Variants in PRORP observed in about 807,000 individuals in gnomAD.
The protein encoded by PRORP is protein only RNase P catalytic subunit, also known as mitochondrial ribonuclease P catalytic subunit.
Under a neutral mutation model 59.4 loss-of-function variants are expected in PRORP, and 51 were observed. The ratio of observed to expected loss-of-function variants is 0.86; its 90% CI spans 0.69 to 1.08. The LOEUF is 1.08. Ranked by LOEUF, PRORP falls within the 50% of genes least tolerant of loss-of-function variation. The pLI, the probability that PRORP is intolerant of heterozygous loss-of-function variation, is 0.00. For synonymous variants in PRORP, 231 were observed against 245.6 expected (o/e 0.94, Z 0.55); for missense variants, 646 against 690.3 (o/e 0.94, Z 0.72).
At chr14:35,185,342 A>G (rs553664925) in intron 5 of PRORP, among the ~76,000 whole-genome samples, 2 of 152,168 alleles carry the variant, frequency 1.3e-5, no homozygotes, top group South Asian at 4.1e-4. Flanking sequence ...GTTTTTGTTC[A>G]TGTCCTTTGC....
At chr14:35,152,222 C>A (rs1450653750) in intron 4 of PRORP, among the ~76,000 whole-genome samples, 1 of 152,182 alleles carries the variant, frequency 6.6e-6, no homozygotes, top group Non-Finnish European at 1.5e-5. Flanking sequence ...GGACACAGCA[C>A]ATGTTTCAGA....
intron 4 of PRORP, among the ~76,000 whole-genome samples, chr14:35,160,011 T>C (rs2048017708): frequency 6.6e-6 from 1 of 152,258 alleles, no homozygotes; most frequent in Non-Finnish European, 1.5e-5. Context: ...GCAGGAATAA[T>C]GAAACAGATT....
chr14:35,215,316 G>A (rs192433219), intron 5 of PRORP, among the ~76,000 whole-genome samples: 1 of 152,056 alleles, frequency 6.6e-6, no homozygotes, highest in Non-Finnish European at 1.5e-5. Flanking sequence ...CTGAACAATG[G>A]TAGAATCTCA....
chr14:35,273,534 A>G lies in PRORP; in HGVS notation c.1720A>G (p.Thr574Ala). ...LVERCSCEVP[T>A]KWLCLHQKT ...AGAAAGATGTTCCTGTGAAGTACCA[A>G]CCAAATGGCTTTGCCTCCACCAAAA... Residue 574 changes from threonine (T) to alanine (A), a missense_variant, in exon 8 of 8, where the codon ACC becomes GCC. Thr to Ala is a moderately conservative substitution (Grantham distance 58). Coordinates refer to ENST00000534898, the MANE Select transcript of PRORP (RefSeq NM_014672.4). 1.2e-6 allele frequency: 2 copies of G among 1,613,714 alleles called. No individual in the cohort carries two copies.
chr14:35,183,111 A>C (rs1471207128), intron 5 of PRORP, among the ~76,000 whole-genome samples: 1 of 152,164 alleles, frequency 6.6e-6, no homozygotes, highest in Non-Finnish European at 1.5e-5. Context: ...GAATTGCTCT[A>C]TTTATATTAA....
intron 2 of PRORP, among the ~76,000 whole-genome samples, chr14:35,124,747 C>A (rs1211905141): frequency 6.7e-6 from 1 of 148,154 alleles, no homozygotes; most frequent in Admixed American, 6.9e-5. Context: ...GGCCACTGTT[C>A]ATAGCAAGAA....
At chr14:35,125,103 C>T (rs142221643) in intron 2 of PRORP, among the ~76,000 whole-genome samples, 2,481 of 152,136 alleles carry the variant, frequency 0.016, 54 homozygotes, top group African/African-American at 0.055. Flanking sequence ...TCAGGTGATC[C>T]GCCTGCCTCG....
intron 7 of PRORP, 139 bp from the exon 8 acceptor site, chr14:35,273,296 G>C: frequency 2.5e-6 from 2 of 791,330 alleles, no homozygotes. Context: ...GTTTGCTGCT[G>C]TTTGAAAATC....
chr14:35,166,029 A>G (rs1595224273), intron 4 of PRORP, among the ~76,000 whole-genome samples: 2 of 152,212 alleles, frequency 1.3e-5, no homozygotes, highest in South Asian at 2.1e-4. Flanking sequence ...TTTTTAAAAA[A>G]AAGATTCTTC....
At chr14:35,263,422 C>A (rs1222073001) in intron 5 of PRORP, among the ~76,000 whole-genome samples, 1 of 152,202 alleles carries the variant, frequency 6.6e-6, no homozygotes, top group Non-Finnish European at 1.5e-5. Context: ...CACGGTGGCT[C>A]ACGCCTGTAA....
intron 5 of PRORP, among the ~76,000 whole-genome samples, chr14:35,183,166 A>T (rs1225045582): frequency 6.6e-6 from 1 of 152,080 alleles, no homozygotes; most frequent in African/African-American, 2.4e-5. Flanking sequence ...TGTTTGTTAG[A>T]TAAGTTTGTG....
At chr14:35,219,548 C>A (rs2049716350) in intron 5 of PRORP, among the ~76,000 whole-genome samples, 1 of 152,326 alleles carries the variant, frequency 6.6e-6, no homozygotes, top group South Asian at 2.1e-4. Context: ...AAAAAGCATA[C>A]CTTGCCCCTT....
chr14:35,150,101 C>G (rs1238658470), intron 4 of PRORP, among the ~76,000 whole-genome samples: 1 of 152,230 alleles, frequency 6.6e-6, no homozygotes, highest in African/African-American at 2.4e-5. Context: ...CTGCCTCGGC[C>G]TCCCAAAATG....
At chr14:35,213,380 G>A (rs2049501073) in intron 5 of PRORP, among the ~76,000 whole-genome samples, 1 of 152,084 alleles carries the variant, frequency 6.6e-6, no homozygotes, top group South Asian at 2.1e-4. Context: ...GCAGTGAGCT[G>A]TGATTGCACA....
At chr14:35,257,902 G>T (rs1210888742) in intron 5 of PRORP, among the ~76,000 whole-genome samples, 1 of 152,024 alleles carries the variant, frequency 6.6e-6, no homozygotes, top group East Asian at 1.9e-4. Flanking sequence ...GCTCTCATTG[G>T]CCTCTCTTAC....
chr14:35,231,962 A>G (rs2050092674), intron 5 of PRORP, among the ~76,000 whole-genome samples: 1 of 152,230 alleles, frequency 6.6e-6, no homozygotes, highest in Non-Finnish European at 1.5e-5. Context: ...TATAGTCAGT[A>G]GACATCAAAT....
intron 4 of PRORP, among the ~76,000 whole-genome samples, chr14:35,167,701 G>A (rs576130697): frequency 6.6e-6 from 1 of 152,064 alleles, no homozygotes; most frequent in African/African-American, 2.4e-5. Context: ...ATTTTTGTTC[G>A]CATGTTAAGA....
chr14:35,239,636 A>G (rs2050310679), intron 5 of PRORP, among the ~76,000 whole-genome samples: 1 of 152,232 alleles, frequency 6.6e-6, no homozygotes, highest in Non-Finnish European at 1.5e-5. Flanking sequence ...CATGTACATG[A>G]CACATTGTTT....
intron 5 of PRORP, among the ~76,000 whole-genome samples, chr14:35,260,829 G>A (rs948806836): frequency 6.6e-6 from 1 of 152,160 alleles, no homozygotes; most frequent in South Asian, 2.1e-4. Context: ...CAGTTTTTTA[G>A]ATGTTAAGTC....
Sources: gnomAD v4.1 joint callset for allele counts (sites outside exome capture counted in the v4.1 genomes callset) on GRCh38, gnomAD v4.1.1 for gene constraint, MANE v1.5 for transcripts, NCBI Gene and HGNC (gene_info 2026-07-23, HGNC 2026-07-21) for gene names.